Variants in ABCC11 observed in about 807,000 individuals in gnomAD.
ABCC11 encodes ATP-binding cassette sub-family C member 11.
Under a neutral mutation model 149.3 loss-of-function variants are expected in ABCC11, and 135 were observed. That is an observed-to-expected ratio of 0.90 (90% confidence interval 0.79 to 1.04). ABCC11 has a LOEUF of 1.04. Ranked by LOEUF, ABCC11 falls within the 50% of genes least tolerant of loss-of-function variation. The pLI is 0.00. For synonymous variants in ABCC11, 665 were observed against 671.4 expected (o/e 0.99, Z 0.15); for missense variants, 1,680 against 1,722.1 (o/e 0.98, Z 0.43).
chr16:48,169,843 C>A (rs1227458756), intron 28 of ABCC11, among the ~76,000 whole-genome samples: 1 of 151,906 alleles, frequency 6.6e-6, no homozygotes, highest in Middle Eastern at 3.4e-3. Context: ...TGCAGCACAC[C>A]AACATGGCAC....
At chr16:48,228,229 A>T (rs1386615360) in intron 3 of ABCC11, among the ~76,000 whole-genome samples, 32 of 151,628 alleles carry the variant, frequency 2.1e-4, no homozygotes, top group African/African-American at 7.2e-4. Context: ...TTTTTTCAAT[A>T]AGGTTTGTTT....
rs570834794 is a variant in ABCC11, at chr16:48,197,774, T to G, written c.2314+197A>C. 2.0e-5 allele frequency among the ~76,000 whole-genome samples: 3 copies of G among 152,272 alleles called. No homozygotes were observed. The East Asian group carries it at 5.8e-4, about 29-fold the overall frequency. ...CCCCCCACAACACTCACTTCCTGGA[T>G]CCTTCAGGCCTCCTGCCCATCAGTC... On this transcript the variant is annotated intron_variant, in intron 17 of 29. Coordinates refer to ENST00000356608, the MANE Select transcript of ABCC11 (RefSeq NM_001370497.1).
chr16:48,196,128 T>C, intron 18 of ABCC11, 104 bp downstream of exon 18: 1 of 1,179,460 alleles, frequency 8.5e-7, no homozygotes, highest in Non-Finnish European at 1.2e-6. Flanking sequence ...CCATGGCTCC[T>C]CTGGACCTCT....
chr16:48,199,588 A>G (rs963256475), intron 15 of ABCC11, among the ~76,000 whole-genome samples: 5 of 151,714 alleles, frequency 3.3e-5, no homozygotes, highest in Non-Finnish European at 7.4e-5. Context: ...ACACACTGAG[A>G]TGGCTCTCAA....
chr16:48,240,323 A>C (rs1421276380), intron 1 of ABCC11, among the ~76,000 whole-genome samples: 1 of 152,230 alleles, frequency 6.6e-6, no homozygotes, highest in East Asian at 1.9e-4. Context: ...GTACATGCAC[A>C]CCATGGAATA....
intron 1 of ABCC11, among the ~76,000 whole-genome samples, chr16:48,242,738 C>T (rs1369799864): frequency 6.6e-6 from 1 of 152,166 alleles, no homozygotes; most frequent in Non-Finnish European, 1.5e-5. Context: ...GAGTTCATGT[C>T]CTTTGTAGGG....
intron 13 of ABCC11, 42 bp downstream of exon 13, chr16:48,205,371 C>T (rs1365218099): frequency 2.5e-6 from 4 of 1,611,214 alleles, no homozygotes; most frequent in Admixed American, 1.7e-5. Flanking sequence ...CCCAGACCAG[C>T]CACATGCCCT....
chr16:48,215,439 G>A, intron 7 of ABCC11, 95 bp from the exon 8 acceptor site: 12 of 1,395,682 alleles, frequency 8.6e-6, no homozygotes, highest in South Asian at 1.3e-5. Flanking sequence ...GGGCAACTGG[G>A]TGTATTTCCA....
intron 26 of ABCC11, among the ~76,000 whole-genome samples, chr16:48,172,753 G>A (rs1332194058): frequency 4.6e-5 from 7 of 152,152 alleles, no homozygotes; most frequent in African/African-American, 1.7e-4. Flanking sequence ...ATTCTAGTAG[G>A]TGTGAAGTGG....
intron 2 of ABCC11, 35 bp from the exon 3 acceptor site, chr16:48,230,608 A>G (rs1217687051): frequency 8.6e-6 from 13 of 1,516,842 alleles, no homozygotes; most frequent in Non-Finnish European, 1.2e-5. Flanking sequence ...ATCAGTTTCA[A>G]ATCTCGTAAA....
chr16:48,216,146 T>C lies in ABCC11; in HGVS notation c.919A>G (p.Ile307Val), dbSNP rs751204946. 6.2e-7 allele frequency: 1 copy of C among 1,614,148 alleles called. No homozygotes were observed. Among genetic ancestry groups the C allele is most frequent in the Admixed American group, 1.7e-5 (1 of 60,024 alleles). Residue 307 changes from isoleucine (I) to valine (V), a missense_variant, in exon 7 of 30, where the codon ATC becomes GTC. Coordinates refer to ENST00000356608, the MANE Select transcript of ABCC11 (RefSeq NM_001370497.1). ...GGGAAAACCAGGAGATAGCATAAGATGGCAATAAATGCAGTGTATCCAATA... is the reference window on the plus strand; with the variant it reads ...GGGAAAACCAGGAGATAGCATAAGACGGCAATAAATGCAGTGTATCCAATA... ...FIIGYTAFIA[I>V]LCYLLVFPLA... is the part of the protein sequence containing the mutation.
At chr16:48,231,965 T>C (rs377013227) in intron 1 of ABCC11, 26 bp from the exon 2 acceptor site, 3 of 1,613,146 alleles carry the variant, frequency 1.9e-6, no homozygotes, top group East Asian at 4.5e-5. Context: ...TCAGAGAATA[T>C]GAAAAGACAG....
intron 13 of ABCC11, among the ~76,000 whole-genome samples, chr16:48,204,262 G>A (rs954905749): frequency 1.3e-5 from 2 of 152,192 alleles, no homozygotes; most frequent in African/African-American, 4.8e-5. Flanking sequence ...GAAGAGCAAT[G>A]ACAAGATGAG....
rs1469154883 is a variant in ABCC11, at chr16:48,167,543, T to C, written c.4009A>G (p.Thr1337Ala). 1.2e-5 allele frequency: 20 copies of C among 1,614,030 alleles called. No individual in the cohort carries two copies. Among genetic ancestry groups the C allele is most frequent in the East Asian group, 4.5e-5 (2 of 44,894 alleles). The change falls in exon 29 of 30, where the codon ACC (threonine) becomes GCC (alanine). Residue 1337 changes from threonine to alanine, a missense_variant. Coordinates refer to ENST00000356608, the MANE Select transcript of ABCC11 (RefSeq NM_001370497.1). ...ATGTGGTCACAGTTCAGCACAGTGG[T>C]GACACGGTGGGCAATGACGAGCACG... is the stretch of plus-strand genomic sequence containing the variant. ...CTVLVIAHRV[T>A]TVLNCDHILV...
At chr16:48,219,587 A>G (rs1969595259) in intron 6 of ABCC11, among the ~76,000 whole-genome samples, 1 of 152,218 alleles carries the variant, frequency 6.6e-6, no homozygotes, top group Non-Finnish European at 1.5e-5. Flanking sequence ...TTTTGTTTCC[A>G]AGGAGAATGT....
rs1966633887 is a variant in ABCC11 at position 48,184,500 on chromosome 16, A to C, written c.3198T>G (p.Ala1066=). The C allele has an allele frequency of 6.2e-7, 1 of 1,614,090 alleles. No homozygotes were observed. Among genetic ancestry groups the C allele is most frequent in the African/African-American group, 1.3e-5 (1 of 74,926 alleles). The change falls in exon 23 of 30, where the codon GCT becomes GCG. Residue 1066 remains alanine (A), a synonymous_variant. Coordinates refer to ENST00000356608, the MANE Select transcript of ABCC11 (RefSeq NM_001370497.1). ...AGTAGGGGGTGGAGGAAATGCCAAA[A>C]GCCACGAACAGGGCAACAGCCAAGG... The part of the protein sequence containing the change: ...LVTLAVALFV[A]FGISSTPYSF...
chr16:48,238,910 C>G (rs1207831541), intron 1 of ABCC11, among the ~76,000 whole-genome samples: 2 of 131,430 alleles, frequency 1.5e-5, no homozygotes, highest in African/African-American at 6.0e-5. Context: ...ACACTCCAGC[C>G]TGGGCGACAG....
intron 12 of ABCC11, among the ~76,000 whole-genome samples, chr16:48,207,188 G>T (rs772687499): frequency 6.6e-6 from 1 of 152,162 alleles, no homozygotes; most frequent in South Asian, 2.1e-4. Flanking sequence ...AGAAGAAGAA[G>T]GGGGAAGAGA....
intron 18 of ABCC11, among the ~76,000 whole-genome samples, chr16:48,195,982 T>A (rs1201657098): frequency 2.6e-5 from 4 of 152,196 alleles, no homozygotes; most frequent in East Asian, 1.9e-4. Context: ...CTATTTTTTT[T>A]AATTTTTTTT....
Sources: allele counts gnomAD v4.1 joint callset (sites outside exome capture counted in the v4.1 genomes callset), GRCh38; gene constraint gnomAD v4.1.1; transcripts MANE v1.5; gene names NCBI Gene and HGNC (gene_info 2026-07-23, HGNC 2026-07-21).